Variants in NAALADL2 observed in about 807,000 individuals in gnomAD.
NAALADL2 encodes the protein N-acetylated alpha-linked acidic dipeptidase like 2.
Under a neutral mutation model 87.2 loss-of-function variants are expected in NAALADL2, and 76 were observed. That is an observed-to-expected ratio of 0.87 (90% confidence interval 0.72 to 1.05). The LOEUF is 1.05. Ranked by LOEUF, NAALADL2 falls within the 50% of genes least tolerant of loss-of-function variation. The pLI is 0.00. For synonymous variants in NAALADL2, 354 were observed against 331.0 expected (o/e 1.07, Z -0.75); for missense variants, 1,089 against 945.8 (o/e 1.15, Z -1.99).
intron 2 of NAALADL2, among the ~76,000 whole-genome samples, chr3:175,151,374 G>T (rs992230940): frequency 7.2e-5 from 11 of 152,180 alleles, no homozygotes; most frequent in Middle Eastern, 3.2e-3. Context: ...ACACTGAACT[G>T]CTGTCTGCTC....
chr3:174,797,298 C>CTT (rs765233495), intron 3 of NAALADL2, among the ~76,000 whole-genome samples: 1,779 of 97,232 alleles, frequency 0.018, 188 homozygotes, highest in East Asian at 0.043. Flanking sequence ...TTTTGTTTTT[C>CTT]TTTTTTCTTT....
chr3:174,674,864 C>A, intron 2 of NAALADL2, among the ~76,000 whole-genome samples: 1 of 151,948 alleles, frequency 6.6e-6, no homozygotes, highest in Non-Finnish European at 1.5e-5. Flanking sequence ...ATTTTTAAAC[C>A]AGTCAAACCA....
intron 9 of NAALADL2, among the ~76,000 whole-genome samples, chr3:175,570,572 G>T (rs1426048532): frequency 6.6e-5 from 10 of 152,026 alleles, no homozygotes; most frequent in African/African-American, 2.2e-4. Context: ...GACTATAACT[G>T]AAACGAAAAG....
At chr3:175,314,087 A>G (rs1431516033) in intron 4 of NAALADL2, among the ~76,000 whole-genome samples, 3 of 151,460 alleles carry the variant, frequency 2.0e-5, no homozygotes, top group Non-Finnish European at 2.9e-5. Context: ...AAAAAAAAAA[A>G]AAAGAAAAGT....
intron 9 of NAALADL2, 92 bp from the exon 10 acceptor site, chr3:175,575,949 T>C (rs1439947196): frequency 1.9e-6 from 2 of 1,038,026 alleles, no homozygotes; most frequent in Non-Finnish European, 2.8e-6. Flanking sequence ...ACATTGATGC[T>C]GCTGATCTGT....
intron 1 of NAALADL2, among the ~76,000 whole-genome samples, chr3:175,093,224 T>C (rs989434759): frequency 3.3e-5 from 5 of 151,606 alleles, no homozygotes; most frequent in African/African-American, 1.2e-4. Context: ...AAAATTTTCA[T>C]GTTACTAGGG....
chr3:175,721,035 G>C (rs980834809), intron 11 of NAALADL2, among the ~76,000 whole-genome samples: 2 of 151,970 alleles, frequency 1.3e-5, no homozygotes, highest in African/African-American at 4.8e-5. Context: ...TGACTATAAA[G>C]AAAACCACAC....
intron 13 of NAALADL2, among the ~76,000 whole-genome samples, chr3:175,782,992 G>A (rs1286878096): frequency 2.0e-5 from 3 of 147,484 alleles, no homozygotes; most frequent in Non-Finnish European, 4.5e-5. Context: ...TTTTTCTCAG[G>A]TTTGTCAAAG....
intron 1 of NAALADL2, among the ~76,000 whole-genome samples, chr3:175,041,356 C>A (rs1162648216): frequency 1.3e-5 from 2 of 152,134 alleles, no homozygotes; most frequent in Non-Finnish European, 2.9e-5. Flanking sequence ...CTAAGAATAT[C>A]TATTTGCAGA....
intron 1 of NAALADL2, among the ~76,000 whole-genome samples, chr3:174,520,247 G>A (rs953726072): frequency 7.9e-5 from 12 of 152,104 alleles, no homozygotes; most frequent in African/African-American, 2.9e-4. Flanking sequence ...GAAAGAGCCC[G>A]AATAGCCAAA....
chr3:175,710,871 A>C (rs1740441650), intron 11 of NAALADL2, among the ~76,000 whole-genome samples: 2 of 151,874 alleles, frequency 1.3e-5, no homozygotes, highest in Admixed American at 6.6e-5. Context: ...TTTAATCTAC[A>C]TGTAGTTGAT....
intron 2 of NAALADL2, among the ~76,000 whole-genome samples, chr3:175,159,301 A>C (rs1226878061): frequency 2.0e-5 from 3 of 152,180 alleles, no homozygotes; most frequent in Non-Finnish European, 4.4e-5. Context: ...TCAAAACTAC[A>C]AGGACCAACT....
chr3:174,950,448 G>T (rs1173260304), intron 1 of NAALADL2, among the ~76,000 whole-genome samples: 2 of 152,036 alleles, frequency 1.3e-5, no homozygotes, highest in Non-Finnish European at 2.9e-5. Context: ...ACATATACAT[G>T]ATTCTATTCA....
At chr3:175,201,436 T>C (rs1341068745) in intron 2 of NAALADL2, among the ~76,000 whole-genome samples, 2 of 152,230 alleles carry the variant, frequency 1.3e-5, no homozygotes, top group Non-Finnish European at 2.9e-5. Context: ...TGGAAAATCA[T>C]GTTAAGATTA....
intron 11 of NAALADL2, among the ~76,000 whole-genome samples, chr3:175,683,827 ATAATG>A (rs1001589756): frequency 6.6e-6 from 1 of 152,108 alleles, no homozygotes; most frequent in African/African-American, 2.4e-5. Flanking sequence ...TTAATGGAAT[ATAATG>A]TAAAGTATAA....
At chr3:175,473,575 T>C (rs185442965) in intron 9 of NAALADL2, among the ~76,000 whole-genome samples, 15 of 151,880 alleles carry the variant, frequency 9.9e-5, no homozygotes, top group African/African-American at 3.6e-4. Context: ...ACTTAATATA[T>C]ATTCTCATAC....
chr3:174,773,711 A>G (rs1214254179), intron 3 of NAALADL2, among the ~76,000 whole-genome samples: 1 of 152,120 alleles, frequency 6.6e-6, no homozygotes, highest in Non-Finnish European at 1.5e-5. Context: ...ATCAACACTT[A>G]TTTTGCGTTT....
intron 1 of NAALADL2, among the ~76,000 whole-genome samples, chr3:175,085,404 T>C (rs1718681596): frequency 6.6e-6 from 1 of 152,220 alleles, no homozygotes; most frequent in African/African-American, 2.4e-5. Flanking sequence ...ATGTTCCTAT[T>C]TTTATTGTTA....
intron 5 of NAALADL2, among the ~76,000 whole-genome samples, chr3:175,330,111 A>G (rs1761218338): frequency 6.6e-6 from 1 of 152,216 alleles, no homozygotes; most frequent in Non-Finnish European, 1.5e-5. Context: ...TTTAAGAACT[A>G]AAGTTTCCAC....
Sources: gnomAD v4.1 joint callset for allele counts (sites outside exome capture counted in the v4.1 genomes callset) on GRCh38, gnomAD v4.1.1 for gene constraint, MANE v1.5 for transcripts, NCBI Gene and HGNC (gene_info 2026-07-23, HGNC 2026-07-21) for gene names.